The following GSK3B variants were observed in gnomAD, a reference collection of about 807,000 sequenced individuals.
The protein encoded by GSK3B is glycogen synthase kinase-3 beta.
A neutral mutation model predicts 56.4 loss-of-function variants in GSK3B; 15 were observed. The observed-to-expected ratio is 0.27, with a 90% CI of 0.18 to 0.41. The LOEUF (loss-of-function observed/expected upper bound fraction) is 0.41, where lower values mean the gene tolerates loss of function less well. GSK3B is among the 10% of genes least tolerant of loss of function. The pLI is 1.00. For missense variants in GSK3B, 300 were observed against 513.4 expected (o/e 0.58, Z 4.02); for synonymous variants, 181 against 188.9 (o/e 0.96, Z 0.34).
intron 1 of GSK3B, among the ~76,000 whole-genome samples, chr3:120,058,157 A>T (rs1238601223): frequency 1.3e-5 from 2 of 152,166 alleles, no homozygotes; most frequent in African/African-American, 2.4e-5. Flanking sequence ...AAGTCAATAC[A>T]TCTTGTTATT....
At chr3:119,914,013 C>T (rs1179134338) in intron 5 of GSK3B, among the ~76,000 whole-genome samples, 2 of 151,962 alleles carry the variant, frequency 1.3e-5, no homozygotes, top group Admixed American at 6.6e-5. Context: ...AAATTCATTA[C>T]GAGACAAAAC....
chr3:119,856,563 TA>T (rs2056025862), intron 9 of GSK3B, among the ~76,000 whole-genome samples: 1 of 152,202 alleles, frequency 6.6e-6, no homozygotes, highest in Non-Finnish European at 1.5e-5. Flanking sequence ...TATTTGTCAT[TA>T]CTGCTGTAGT....
rs188645025 is a variant in GSK3B at position 120,039,812 on chromosome 3, C to T, written c.89-37573G>A. 7.2e-5 allele frequency among the ~76,000 whole-genome samples: 11 copies of T among 152,326 alleles called. No homozygotes were observed. The East Asian group carries it at 2.1e-3, about 29-fold the overall frequency. On this transcript the variant is annotated intron_variant, in intron 1 of 10. Transcript: ENST00000264235. ...TTGCCATTGCTCCATCTGCAAGATA[C>T]ACCCTTCTGCAGAAGTAAATTGCCT...
At chr3:119,856,978 A>T (rs1477364667) in intron 9 of GSK3B, among the ~76,000 whole-genome samples, 1 of 152,182 alleles carries the variant, frequency 6.6e-6, no homozygotes, top group African/African-American at 2.4e-5. Flanking sequence ...TTTCCACTGC[A>T]TGTAAGTGAT....
chr3:120,004,818 GA>G (rs1477229905), intron 1 of GSK3B, among the ~76,000 whole-genome samples: 1 of 152,088 alleles, frequency 6.6e-6, no homozygotes, highest in East Asian at 1.9e-4. Flanking sequence ...AAGATGGGGA[GA>G]AACCACAGCA....
At chr3:120,029,382 C>A in intron 1 of GSK3B, 1 of 768,350 alleles carries the variant, frequency 1.3e-6, no homozygotes, top group Non-Finnish European at 2.4e-6. Context: ...AACATTCAGT[C>A]ATTTCTCCTT....
At position 120,075,278 on chromosome 3, in the gene GSK3B, C is replaced by T. The variant is rs74840836; in HGVS notation, c.88+18069G>A. On this transcript the variant is annotated intron_variant, in intron 1 of 10. Transcript: ENST00000264235. ...AAAAACCCACAGCTAACTACATAAT[C>T]AATGGCGAGAAACTGAGAACTTTTC... 0.026 allele frequency among the ~76,000 whole-genome samples: 3,945 copies of T among 152,228 alleles called. 343 individuals are homozygous for T. In the East Asian group the frequency reaches 0.34, roughly 13 times the overall value.
chr3:120,029,469 G>C, intron 1 of GSK3B: 1 of 691,060 alleles, frequency 1.4e-6, no homozygotes, highest in Non-Finnish European at 2.7e-6. Flanking sequence ...ATCAAGAGCA[G>C]TGTTATTATC....
At chr3:119,876,341 T>G in intron 8 of GSK3B, 72 bp downstream of exon 8, 1 of 809,922 alleles carries the variant, frequency 1.2e-6, no homozygotes, top group Non-Finnish European at 2.2e-6. Context: ...GATCTCAAAA[T>G]AGTTTAAGAA....
At chr3:119,962,348 C>G (rs913162548) in intron 2 of GSK3B, among the ~76,000 whole-genome samples, 2 of 149,774 alleles carry the variant, frequency 1.3e-5, no homozygotes, top group Non-Finnish European at 3.0e-5. Flanking sequence ...GCACTCCAGC[C>G]TGGGCAACAA....
chr3:119,842,605 G>A (rs1472124413), intron 10 of GSK3B, among the ~76,000 whole-genome samples: 7 of 151,988 alleles, frequency 4.6e-5, no homozygotes, highest in South Asian at 4.2e-4. Flanking sequence ...TGTAAAAACC[G>A]TAACTTCAAA....
chr3:119,821,538 T>C lies in GSK3B; in HGVS notation c.*5250A>G, dbSNP rs2055408403. ...GGAGGTACAGCCCCACTGTTCGTGG[T>C]GTCCATATATTTTACAGAGACCCCC... On this transcript the variant is annotated 3_prime_UTR_variant, in exon 11 of 11. Coordinates refer to ENST00000264235, the MANE Select transcript of GSK3B (RefSeq NM_001146156.2). 6.6e-6 allele frequency: 1 copy of C among 152,184 alleles called. No homozygotes were observed. Among genetic ancestry groups the C allele is most frequent in the Non-Finnish European group, 1.5e-5 (1 of 68,042 alleles). 9.4% of individuals were successfully genotyped at this position (152,184 alleles called of 1,614,324 possible).
intron 2 of GSK3B, among the ~76,000 whole-genome samples, chr3:119,981,494 A>C (rs1177128961): frequency 6.6e-6 from 1 of 152,242 alleles, no homozygotes; most frequent in Non-Finnish European, 1.5e-5. Context: ...ACCCACCCAA[A>C]TACTGCACTT....
In GSK3B at chr3:120,015,377, G is replaced by A. The variant is rs531110869; in HGVS notation, c.89-13138C>T. ...TAGAAAAACTAGACATTGGCCAGGC[G>A]CAGTGGCTCACGCCTGTAATCCCAG... is the stretch of plus-strand genomic sequence containing the variant. On this transcript the variant is annotated intron_variant, in intron 1 of 10. Transcript: ENST00000264235. 3.8e-4 allele frequency among the ~76,000 whole-genome samples: 58 copies of A among 152,114 alleles called. 1 individual carries two copies. The highest frequency in any genetic ancestry group is 3.9e-4 in the Admixed American group (6 of 15,276).
rs2055462595 is a variant in GSK3B at position 119,824,234 on chromosome 3, T to C, written c.*2554A>G. ...GGTGAGGAGCTTTTTATTATTATTA[T>C]ATACAAAAAGATATTCAGAGACCTG... On this transcript the variant is annotated 3_prime_UTR_variant, in exon 11 of 11. Transcript: ENST00000264235. The C allele has an allele frequency of 4.6e-6, 1 of 216,620 alleles. No homozygotes were observed. The highest frequency in any genetic ancestry group is 5.8e-5 in the Admixed American group (1 of 17,136). The allele number at this position is 216,620 out of a possible 1,614,324, so 13.4% of individuals were successfully genotyped here.
intron 2 of GSK3B, among the ~76,000 whole-genome samples, chr3:119,957,660 CTGTATCTTCACAA>C (rs1269583444): frequency 1.6e-4 from 25 of 152,190 alleles, no homozygotes; most frequent in African/African-American, 5.3e-4. Flanking sequence ...CTGTTAAGAG[CTGTATCTTCACAA>C]CTTCAATCCT....
At chr3:119,841,595 A>G (rs1577308348) in intron 10 of GSK3B, among the ~76,000 whole-genome samples, 1 of 152,224 alleles carries the variant, frequency 6.6e-6, no homozygotes, top group East Asian at 1.9e-4. Context: ...TTTAAAGCAG[A>G]TTTCAGCACA....
At chr3:120,000,862 T>C (rs1399690041) in intron 2 of GSK3B, among the ~76,000 whole-genome samples, 3 of 150,684 alleles carry the variant, frequency 2.0e-5, no homozygotes, top group African/African-American at 7.3e-5. Context: ...TGGATAGTGT[T>C]GTAATATGGT....
chr3:119,933,906 CA>C (rs1003298207), intron 3 of GSK3B, among the ~76,000 whole-genome samples: 1 of 151,806 alleles, frequency 6.6e-6, no homozygotes, highest in Non-Finnish European at 1.5e-5. Flanking sequence ...ATAAATAAAA[CA>C]AAAAAACAAA....
Sources: gnomAD v4.1 joint callset for allele counts (sites outside exome capture counted in the v4.1 genomes callset) on GRCh38, gnomAD v4.1.1 for gene constraint, MANE v1.5 for transcripts, NCBI Gene and HGNC (gene_info 2026-07-23, HGNC 2026-07-21) for gene names.